SBNO1: variants seen among roughly 807,000 people sequenced by gnomAD.
The protein encoded by SBNO1 is protein strawberry notch homolog 1.
SBNO1 carries 23 observed loss-of-function variants against 173.6 expected under a neutral mutation model. That is an observed-to-expected ratio of 0.13 (90% CI 0.10 to 0.19). The LOEUF is 0.19. SBNO1 is among the 10% of genes least tolerant of loss of function. SBNO1 has a pLI of 1.00. For synonymous variants in SBNO1, 632 were observed against 571.5 expected, an observed-to-expected ratio of 1.11 and a Z score of -1.51; for missense variants, 1,238 against 1,671.2, an observed-to-expected ratio of 0.74 and a Z score of 4.52.
chr12:123,310,995 C>T, intron 25 of SBNO1, 60 bp downstream of exon 25: 1 of 1,242,632 alleles, frequency 8.0e-7, no homozygotes, highest in Non-Finnish European at 1.2e-6. Context: ...AAGCATATAT[C>T]ATAATGGACT....
intron 9 of SBNO1, among the ~76,000 whole-genome samples, chr12:123,329,434 A>G (rs1424844585): frequency 6.6e-6 from 1 of 151,880 alleles, no homozygotes; most frequent in Non-Finnish European, 1.5e-5. Context: ...CATCACAAAA[A>G]AAAACATTAA....
chr12:123,322,598 G>A (rs895943974), intron 16 of SBNO1, among the ~76,000 whole-genome samples: 1 of 151,782 alleles, frequency 6.6e-6, no homozygotes, highest in African/African-American at 2.4e-5. Flanking sequence ...TGCCCGGCGA[G>A]AAGTCAACTT....
chr12:123,309,631 C>G, intron 26 of SBNO1, 48 bp from the exon 27 acceptor site: 1 of 1,598,356 alleles, frequency 6.3e-7, no homozygotes, highest in East Asian at 2.2e-5. Flanking sequence ...ACATTTTTAT[C>G]AGGTACACAC....
rs545129328 is a variant in SBNO1 at position 123,312,049 on chromosome 12, A to G, written c.3221-920T>C. Reference sequence around the variant, plus strand: ...GCCACTGCGCCTAGCCATAACCTGTAATTTTAAGAAGTTAGAAGTAAATCA... The same window carrying G: ...GCCACTGCGCCTAGCCATAACCTGTGATTTTAAGAAGTTAGAAGTAAATCA... On this transcript the variant is annotated intron_variant, in intron 24 of 31. Coordinates refer to ENST00000602398, the MANE Select transcript of SBNO1 (RefSeq NM_001167856.3). Among the ~76,000 whole-genome samples, 221 of 151,848 alleles carry G rather than the reference A, an allele frequency of 1.5e-3. 1 individual carries two copies. The highest frequency in any genetic ancestry group is 3.4e-3 in the Middle Eastern group (1 of 294).
At chr12:123,303,203 C>T (rs761056988) in intron 29 of SBNO1, among the ~76,000 whole-genome samples, 8 of 152,112 alleles carry the variant, frequency 5.3e-5, no homozygotes, top group East Asian at 1.9e-4. Context: ...GAAAAGTGGT[C>T]GCTTAACATT....
At chr12:123,319,835 C>G (rs182894688) in intron 20 of SBNO1, 65 bp downstream of exon 20, 190 of 1,458,136 alleles carry the variant, frequency 1.3e-4, no homozygotes, top group Middle Eastern at 1.2e-3. Flanking sequence ...AAAGACTCTT[C>G]TAAAGCTTAA....
At chr12:123,341,795 T>C (rs1872599701) in intron 4 of SBNO1, among the ~76,000 whole-genome samples, 1 of 151,878 alleles carries the variant, frequency 6.6e-6, no homozygotes, top group Non-Finnish European at 1.5e-5. Flanking sequence ...CCCAAAGTGC[T>C]GGGATTACAG....
Position 123,311,117 on chromosome 12 carries a change from C to G in SBNO1, c.3233G>C (p.Gly1078Ala), listed in dbSNP as rs1478473479. 2 of 1,613,114 alleles carry G rather than the reference C, an allele frequency of 1.2e-6. No individual in the cohort carries two copies. Among genetic ancestry groups the G allele is most frequent in the Admixed American group, 3.3e-5 (2 of 60,022 alleles). ...PGEFFKDVRQ[G>A]LIGVGLINVE... ...ATTTATCAGGCCAACGCCTATCAGT[C>G]CTTGTCGAACATCTGTAAGAACAGG... is the stretch of plus-strand genomic sequence containing the variant. Residue 1078 changes from glycine (G) to alanine (A), a missense_variant, in exon 25 of 32, where the codon GGA becomes GCA. Physicochemically the swap from Gly to Ala is moderately conservative, Grantham distance 60. Around this residue, in one of 14 missense-constraint regions of SBNO1, gnomAD observed 351 missense variants for 420.3 expected, o/e 0.84. Transcript: ENST00000602398.
At chr12:123,363,734 A>G in intron 1 of SBNO1, 1 of 478,450 alleles carries the variant, frequency 2.1e-6, no homozygotes, top group Non-Finnish European at 2.7e-6. Flanking sequence ...CCCAAAACAA[A>G]AGCCTCCCAC....
At chr12:123,305,769 G>A (rs2048899486) in intron 28 of SBNO1, among the ~76,000 whole-genome samples, 1 of 151,952 alleles carries the variant, frequency 6.6e-6, no homozygotes, top group East Asian at 1.9e-4. Context: ...CACCACGCCT[G>A]GCCTATTTTT....
At chr12:123,316,720 T>TG in intron 21 of SBNO1, among the ~76,000 whole-genome samples, 1 of 149,392 alleles carries the variant, frequency 6.7e-6, no homozygotes, top group African/African-American at 2.5e-5. Context: ...TTTTTTTTTT[T>TG]GAGATGGAAT....
chr12:123,305,558 C>T (rs1471671629), intron 28 of SBNO1, among the ~76,000 whole-genome samples: 4 of 152,040 alleles, frequency 2.6e-5, no homozygotes, highest in African/African-American at 4.8e-5. Context: ...CTGCAAGCTC[C>T]GCCTCCCAGG....
At chr12:123,337,563 T>C (rs915325377) in intron 5 of SBNO1, among the ~76,000 whole-genome samples, 2 of 152,124 alleles carry the variant, frequency 1.3e-5, no homozygotes, top group Non-Finnish European at 2.9e-5. Context: ...GGAAAAGAAG[T>C]GGGACATAAC....
At chr12:123,297,830 A>T (rs2048659855) in intron 31 of SBNO1, 148 bp downstream of exon 31, 1 of 696,776 alleles carries the variant, frequency 1.4e-6, no homozygotes, top group African/African-American at 1.8e-5. Flanking sequence ...CTTCTGTTCA[A>T]CCTTGTAAGA....
At chr12:123,332,015 C>A (rs11057274) in intron 7 of SBNO1, among the ~76,000 whole-genome samples, 2,329 of 151,322 alleles carry the variant, frequency 0.015, 27 homozygotes, top group Non-Finnish European at 0.025. Flanking sequence ...CCACGCCCAG[C>A]TAATTTTTTG....
At chr12:123,308,917 A>G (rs1231627288) in intron 28 of SBNO1, among the ~76,000 whole-genome samples, 5 of 152,200 alleles carry the variant, frequency 3.3e-5, no homozygotes, top group African/African-American at 4.8e-5. Flanking sequence ...CAGCCTGACC[A>G]AAGTGAAGAA....
chr12:123,327,676 T>A, intron 12 of SBNO1, 31 bp downstream of exon 12: 1 of 1,588,208 alleles, frequency 6.3e-7, no homozygotes, highest in Non-Finnish European at 8.6e-7. Context: ...AGATTGCTAC[T>A]GAGAAGAGTA....
At chr12:123,311,720 C>CTATATATATATATATATA (rs56718635) in intron 24 of SBNO1, among the ~76,000 whole-genome samples, 11 of 127,444 alleles carry the variant, frequency 8.6e-5, no homozygotes, top group African/African-American at 3.5e-4. Context: ...ATCTATCTAT[C>CTATATATATATATATATA]TATATATATA....
intron 1 of SBNO1, among the ~76,000 whole-genome samples, chr12:123,362,494 G>A (rs1393128920): frequency 2.0e-5 from 3 of 147,706 alleles, no homozygotes; most frequent in African/African-American, 7.5e-5. Flanking sequence ...GGCCAAGGGC[G>A]GTGGCTCACG....
Sources: allele counts gnomAD v4.1 joint callset (sites outside exome capture counted in the v4.1 genomes callset), GRCh38; gene constraint gnomAD v4.1.1; regional missense constraint gnomAD v4.1.1; transcripts MANE v1.5; gene names NCBI Gene and HGNC (gene_info 2026-07-23, HGNC 2026-07-21).